The following RPAP3 variants were observed in gnomAD, a reference collection of about 807,000 sequenced individuals.
RPAP3 encodes RNA polymerase II associated protein 3.
Under a neutral mutation model 88.8 loss-of-function variants are expected in RPAP3, and 58 were observed. The observed-to-expected ratio is 0.65, with a 90% CI of 0.53 to 0.81. RPAP3 has a LOEUF of 0.81. RPAP3 is among the 40% of genes least tolerant of loss of function. The pLI, the probability that RPAP3 is intolerant of heterozygous loss-of-function variation, is 0.00. For synonymous variants in RPAP3, 255 were observed against 259.9 expected (o/e 0.98, Z 0.18); for missense variants, 751 against 764.3 (o/e 0.98, Z 0.20).
intron 16 of RPAP3, among the ~76,000 whole-genome samples, chr12:47,666,600 C>T (rs755540925): frequency 6.6e-6 from 1 of 152,112 alleles, no homozygotes; most frequent in African/African-American, 2.4e-5. Flanking sequence ...CACCATTATA[C>T]CATTTACTGC....
chr12:47,687,867 T>G lies in RPAP3; in HGVS notation c.864+9A>C. 3 of 1,612,470 alleles carry G rather than the reference T, an allele frequency of 1.9e-6. No individual in the cohort carries two copies. In the Admixed American group the frequency reaches 5.0e-5, roughly 27 times the overall value. On this transcript the variant is annotated intron_variant, in intron 8 of 16. Coordinates refer to ENST00000005386, the MANE Select transcript of RPAP3 (RefSeq NM_024604.3). ...ATATACATTGTACGTTGGAATAGCT[T>G]TGGATTACCCGATCTTTCTCTGAAA...
intron 16 of RPAP3, among the ~76,000 whole-genome samples, chr12:47,665,016 G>A (rs116663585): frequency 1.7e-3 from 258 of 151,996 alleles, no homozygotes; most frequent in African/African-American, 5.8e-3. Flanking sequence ...CACAAGTGAA[G>A]ATATGTAGGA....
At chr12:47,664,206 G>A (rs531709702) in intron 16 of RPAP3, among the ~76,000 whole-genome samples, 111 of 152,198 alleles carry the variant, frequency 7.3e-4, no homozygotes, top group African/African-American at 2.4e-3. Flanking sequence ...TGGCTAACAC[G>A]GTGAAACCCC....
At chr12:47,665,538 C>T (rs956245568) in intron 16 of RPAP3, among the ~76,000 whole-genome samples, 5 of 151,136 alleles carry the variant, frequency 3.3e-5, no homozygotes, top group African/African-American at 1.2e-4. Context: ...TCAGGGATTT[C>T]AAGGAACATT....
chr12:47,697,593 G>C lies in RPAP3; in HGVS notation c.417+4C>G, dbSNP rs768371100. On this transcript the variant is annotated splice_donor_region_variant and intron_variant, in intron 4 of 16. Transcript: ENST00000005386. The stretch of plus-strand genomic sequence containing the variant: ...AAAAAAAACAAAACCTAACTAATTA[G>C]TACCTTTTCTTTTAAAACAAGAGCC... 2 of 1,592,346 alleles carry C rather than the reference G, an allele frequency of 1.3e-6. No individual in the cohort carries two copies. The highest frequency in any genetic ancestry group is 1.4e-5 in the African/African-American group (1 of 73,166).
At chr12:47,678,321 T>C (rs137929663) in intron 12 of RPAP3, among the ~76,000 whole-genome samples, 2,507 of 152,270 alleles carry the variant, frequency 0.016, 34 homozygotes, top group South Asian at 0.078. Flanking sequence ...GGAAATACCA[T>C]TCAGGCCACA....
intron 5 of RPAP3, among the ~76,000 whole-genome samples, chr12:47,693,460 C>T (rs1448947590): frequency 6.6e-6 from 1 of 152,214 alleles, no homozygotes; most frequent in Non-Finnish European, 1.5e-5. Flanking sequence ...AAAGTAAACA[C>T]ATGCTGTTGG....
intron 5 of RPAP3, among the ~76,000 whole-genome samples, chr12:47,695,107 G>T (rs1227488709): frequency 6.6e-6 from 1 of 151,944 alleles, no homozygotes; most frequent in Non-Finnish European, 1.5e-5. Context: ...AAGAAAGAGG[G>T]ACAGAAGGAG....
rs1405565880 is a variant in RPAP3, at chr12:47,702,791, T to C, written c.50A>G (p.Asn17Ser). 2 of 1,613,406 alleles carry C rather than the reference T, an allele frequency of 1.2e-6. No individual in the cohort carries two copies. Among genetic ancestry groups the C allele is most frequent in the Non-Finnish European group, 1.7e-6 (2 of 1,179,706 alleles). The part of the protein sequence containing the change: ...AIELQLQVKQ[N>S]AEELQDFMRD... ...CATAAAGTCTTGTAATTCTTCTGCA[T>C]TTTGTTTCACTTGTAGTTGTAATTC... is the stretch of plus-strand genomic sequence containing the variant. Residue 17 changes from asparagine (N) to serine (S), a missense_variant, in exon 2 of 17, where the codon AAT (asparagine) becomes AGT (serine). Transcript: ENST00000005386.
At chr12:47,679,394 A>T in intron 12 of RPAP3, 99 bp downstream of exon 12, 2 of 703,310 alleles carry the variant, frequency 2.8e-6, no homozygotes, top group Non-Finnish European at 4.8e-6. Context: ...CTTAAAGTAT[A>T]ATTAAAAAAA....
At chr12:47,692,404 G>T (rs1009958645) in intron 5 of RPAP3, among the ~76,000 whole-genome samples, 6 of 152,224 alleles carry the variant, frequency 3.9e-5, no homozygotes, top group African/African-American at 1.4e-4. Context: ...TTCTCCGTCA[G>T]CACCTGCTGC....
intron 13 of RPAP3, among the ~76,000 whole-genome samples, 198 bp downstream of exon 13, chr12:47,669,909 T>TA (rs201082263): frequency 3.9e-4 from 58 of 149,166 alleles, no homozygotes; most frequent in Non-Finnish European, 5.4e-4. Context: ...ACACTGTGGT[T>TA]AAAAAAAAAA....
intron 12 of RPAP3, among the ~76,000 whole-genome samples, chr12:47,677,752 C>A (rs916553261): frequency 6.6e-6 from 1 of 152,076 alleles, no homozygotes; most frequent in South Asian, 2.1e-4. Context: ...AAAGAGGACA[C>A]AAACAAATGG....
At chr12:47,678,552 G>GA (rs979441963) in intron 12 of RPAP3, among the ~76,000 whole-genome samples, 3 of 151,816 alleles carry the variant, frequency 2.0e-5, no homozygotes, top group Non-Finnish European at 4.4e-5. Context: ...AAATTTACAA[G>GA]AAAAAAACAA....
rs1938800097 is a variant in RPAP3, at chr12:47,663,467, A to G, written c.*38T>C. 7.4e-7 allele frequency: 1 copy of G among 1,357,478 alleles called. No individual in the cohort carries two copies. Among genetic ancestry groups the G allele is most frequent in the African/African-American group, 1.5e-5 (1 of 68,364 alleles). The allele number at this position is 1,357,478 out of a possible 1,614,324, so 84.1% of individuals were successfully genotyped here. On this transcript the variant is annotated 3_prime_UTR_variant, in exon 17 of 17. Coordinates refer to ENST00000005386, the MANE Select transcript of RPAP3 (RefSeq NM_024604.3). ...CACTTTCAGTAGAAAAAATTTACAT[A>G]TGAAAGTCAAAAACAATTATTTCAG...
intron 14 of RPAP3, 110 bp from the exon 15 acceptor site, chr12:47,667,961 A>C: frequency 1.5e-6 from 1 of 649,986 alleles, no homozygotes; most frequent in South Asian, 2.2e-5. Flanking sequence ...TTGGGAGGCC[A>C]AGGTGGGAGG....
rs945081446 is a variant in RPAP3 at position 47,670,133 on chromosome 12, T to C, written c.1500A>G (p.Glu500=). 1 of 1,609,460 alleles carries C rather than the reference T, an allele frequency of 6.2e-7. No homozygotes were observed. The highest frequency in any genetic ancestry group is 8.5e-7 in the Non-Finnish European group (1 of 1,175,816). ...GCAGGGATGAAGTATCACTGACTTC[T>C]TCTATTTTCAATACTTTTGCTCTTG... ...DTPRAKVLKI[E]EVSDTSSLQP... Residue 500 remains glutamate, a synonymous_variant, in exon 13 of 17, where the codon GAA becomes GAG. Transcript: ENST00000005386.
At chr12:47,680,842 TA>T (rs35594577) in intron 10 of RPAP3, among the ~76,000 whole-genome samples, 35 of 145,870 alleles carry the variant, frequency 2.4e-4, no homozygotes, top group Admixed American at 8.2e-4. Flanking sequence ...AAGAGTTTTT[TA>T]AAAAAAAAAA....
chr12:47,705,271 G>A (rs755056850), intron 1 of RPAP3, among the ~76,000 whole-genome samples: 84 of 152,284 alleles, frequency 5.5e-4, no homozygotes, highest in Middle Eastern at 6.8e-3. Flanking sequence ...ACTAAGAAGG[G>A]ACAGTTGCAG....
Sources: allele counts gnomAD v4.1 joint callset (sites outside exome capture counted in the v4.1 genomes callset), GRCh38; gene constraint gnomAD v4.1.1; transcripts MANE v1.5; gene names NCBI Gene and HGNC (gene_info 2026-07-23, HGNC 2026-07-21).